Variants in CEP112 observed in about 807,000 individuals in gnomAD.
CEP112 encodes centrosomal protein of 112 kDa.
Under a neutral mutation model 153.0 loss-of-function variants are expected in CEP112, and 127 were observed. That is an observed-to-expected ratio of 0.83 (90% CI 0.72 to 0.96). The LOEUF is 0.96. Ranked by LOEUF, CEP112 falls within the 40% of genes least tolerant of loss-of-function variation. The pLI is 0.00. For missense variants in CEP112, 1,089 were observed against 1,101.2 expected (o/e 0.99, Z 0.16); for synonymous variants, 358 against 374.4 (o/e 0.96, Z 0.51).
chr17:65,923,023 A>G (rs764459424), intron 19 of CEP112, among the ~76,000 whole-genome samples: 1 of 152,114 alleles, frequency 6.6e-6, no homozygotes, highest in Non-Finnish European at 1.5e-5. Context: ...AACATCCTCC[A>G]TGGCACTTCA....
intron 21 of CEP112, among the ~76,000 whole-genome samples, chr17:65,790,872 T>C (rs1230269011): frequency 1.3e-5 from 2 of 152,206 alleles, no homozygotes; most frequent in Non-Finnish European, 2.9e-5. Context: ...AACTAGGCCT[T>C]GGCAGAATCA....
chr17:65,843,240 T>C (rs989371502), intron 21 of CEP112, among the ~76,000 whole-genome samples: 1 of 152,180 alleles, frequency 6.6e-6, no homozygotes, highest in African/African-American at 2.4e-5. Context: ...ATTAAATTAT[T>C]GTTATATTTA....
chr17:66,179,294 T>C (rs531399075), intron 2 of CEP112, among the ~76,000 whole-genome samples: 2 of 152,188 alleles, frequency 1.3e-5, no homozygotes, highest in Non-Finnish European at 2.9e-5. Context: ...AGTATGGACA[T>C]TTTAACAATA....
chr17:66,139,808 A>T (rs2070607784), intron 4 of CEP112, among the ~76,000 whole-genome samples: 1 of 152,192 alleles, frequency 6.6e-6, no homozygotes, highest in Admixed American at 6.5e-5. Context: ...TCTCCCAACC[A>T]AGAAAAGCCC....
chr17:65,866,249 C>A (rs1028145694), intron 20 of CEP112, among the ~76,000 whole-genome samples: 1 of 152,214 alleles, frequency 6.6e-6, no homozygotes, highest in African/African-American at 2.4e-5. Context: ...AGCCCAGGTG[C>A]TGTTGCAGCC....
At chr17:66,019,617 T>C (rs928518833) in intron 16 of CEP112, among the ~76,000 whole-genome samples, 1 of 152,256 alleles carries the variant, frequency 6.6e-6, no homozygotes, top group African/African-American at 2.4e-5. Flanking sequence ...ATGATGGCTA[T>C]TTTTCTTTTA....
chr17:65,695,875 C>T (rs756107285), intron 23 of CEP112, among the ~76,000 whole-genome samples: 16 of 152,268 alleles, frequency 1.1e-4, no homozygotes, highest in Admixed American at 2.0e-4. Context: ...GCTGTCTAAG[C>T]GTATAAATTG....
At chr17:66,106,843 A>G (rs1164900245) in intron 6 of CEP112, among the ~76,000 whole-genome samples, 1 of 152,160 alleles carries the variant, frequency 6.6e-6, no homozygotes. Context: ...ACACCAAAAA[A>G]AGAAAACTAC....
chr17:65,962,747 G>A (rs2062254751), intron 17 of CEP112, among the ~76,000 whole-genome samples: 1 of 150,278 alleles, frequency 6.7e-6, no homozygotes, highest in Non-Finnish European at 1.5e-5. Context: ...AATGAGATCT[G>A]ATGGTTTTAA....
At chr17:65,756,449 C>A (rs975579729) in intron 21 of CEP112, among the ~76,000 whole-genome samples, 7 of 135,208 alleles carry the variant, frequency 5.2e-5, no homozygotes, top group Admixed American at 3.0e-4. Context: ...CAGGATAATA[C>A]GGAATCTTGA....
intron 12 of CEP112, among the ~76,000 whole-genome samples, chr17:66,051,381 T>G (rs1046925724): frequency 1.8e-4 from 27 of 148,684 alleles, no homozygotes; most frequent in African/African-American, 6.4e-4. Context: ...TATAATATTT[T>G]ATGTATATTA....
rs564933318 is a variant in CEP112, at chr17:66,133,300, C to T, written c.471-537G>A. Among the ~76,000 whole-genome samples the T allele has an allele frequency of 3.9e-5, 6 of 152,166 alleles. No homozygotes were observed. The South Asian group carries it at 6.2e-4, about 16-fold the overall frequency. ...GAGAGAAAATGAAGCATATATTCTA[C>T]GGGAAGAACATTGTTTTAAGGTCAG... is the stretch of plus-strand genomic sequence containing the variant. On this transcript the variant is annotated intron_variant, in intron 4 of 26. Coordinates refer to ENST00000535342, the MANE Select transcript of CEP112 (RefSeq NM_001199165.4).
chr17:65,779,002 TA>T (rs66515747), intron 21 of CEP112, among the ~76,000 whole-genome samples: 80,070 of 151,420 alleles, frequency 0.53, 22,980 homozygotes, highest in Non-Finnish European at 0.66. Context: ...CTTATCTCTT[TA>T]AAAAAAAAGG....
chr17:65,965,274 G>A (rs970958432), intron 17 of CEP112, among the ~76,000 whole-genome samples: 1 of 152,046 alleles, frequency 6.6e-6, no homozygotes, highest in Admixed American at 6.5e-5. Context: ...GCACAATAAG[G>A]CACATTGTTT....
chr17:65,973,919 G>C (rs4525530), intron 17 of CEP112, among the ~76,000 whole-genome samples: 73,011 of 151,910 alleles, frequency 0.48, 18,545 homozygotes, highest in East Asian at 0.89. Context: ...CTAAATAAGT[G>C]TGTTAAAATG....
At chr17:65,643,196 G>T (rs1004946232) in intron 24 of CEP112, among the ~76,000 whole-genome samples, 1 of 152,228 alleles carries the variant, frequency 6.6e-6, no homozygotes, top group African/African-American at 2.4e-5. Context: ...AGGTGAGCTT[G>T]ATCTCATCAT....
At chr17:65,846,704 G>T (rs866648628) in intron 21 of CEP112, among the ~76,000 whole-genome samples, 11 of 152,208 alleles carry the variant, frequency 7.2e-5, no homozygotes, top group African/African-American at 2.7e-4. Context: ...GAGTAGCTGG[G>T]ACTACAGGCG....
At chr17:66,082,442 T>C (rs1020859137) in intron 8 of CEP112, among the ~76,000 whole-genome samples, 12 of 152,294 alleles carry the variant, frequency 7.9e-5, no homozygotes, top group Middle Eastern at 3.4e-3. Flanking sequence ...CCAAAATAAA[T>C]TGAAAATTGT....
chr17:65,813,513 G>C (rs2056100419), intron 21 of CEP112, among the ~76,000 whole-genome samples: 1 of 141,144 alleles, frequency 7.1e-6, no homozygotes, highest in Non-Finnish European at 1.6e-5. Flanking sequence ...GATTTGCTTG[G>C]AAATAGCATG....
Sources: gnomAD v4.1 joint callset for allele counts (sites outside exome capture counted in the v4.1 genomes callset) on GRCh38, gnomAD v4.1.1 for gene constraint, MANE v1.5 for transcripts, NCBI Gene and HGNC (gene_info 2026-07-23, HGNC 2026-07-21) for gene names.